The following MMP28 variants were observed in gnomAD, a reference collection of about 807,000 sequenced individuals.
The protein encoded by MMP28 is matrix metalloproteinase-28.
Under a neutral mutation model 60.5 loss-of-function variants are expected in MMP28, and 55 were observed. That is an observed-to-expected ratio of 0.91 (90% CI 0.73 to 1.14). The LOEUF (loss-of-function observed/expected upper bound fraction) is 1.14. MMP28 is among the 50% of genes most tolerant of loss of function. The probability of loss-of-function intolerance (pLI) is 0.00; values close to 1 mark genes in which losing one functional copy is unlikely to be tolerated. For missense variants in MMP28, 686 were observed against 738.3 expected (o/e 0.93, Z 0.82); for synonymous variants, 318 against 312.5 (o/e 1.02, Z -0.18).
chr17:35,793,111 G>C (rs901169352), intron 1 of MMP28, among the ~76,000 whole-genome samples: 1 of 152,072 alleles, frequency 6.6e-6, no homozygotes, highest in South Asian at 2.1e-4. Flanking sequence ...ATAGAGACAC[G>C]TACACACCCA....
Position 35,766,751 on chromosome 17 carries a change from A to G in MMP28, c.1312T>C (p.Tyr438His). 6.3e-7 allele frequency: 1 copy of G among 1,585,512 alleles called. No homozygotes were observed. Among genetic ancestry groups the G allele is most frequent in the African/African-American group, 1.3e-5 (1 of 74,460 alleles). ...RRLILFKGAR[Y>H]YVLARGGLQV... ...AGTCCCCCTCGGGCCAGCACGTAGT[A>G]GCGGGCACCCTTGAAGAGGATGAGG... Residue 438 changes from tyrosine to histidine, a missense_variant, in exon 8 of 8, where the codon TAC becomes CAC. Tyr to His is a moderately conservative substitution (Grantham distance 83). Coordinates refer to ENST00000605424, the MANE Select transcript of MMP28 (RefSeq NM_024302.5). The surrounding 1 kb of genome is among the most constrained non-coding windows in gnomAD (Gnocchi z 4.3).
rs775056613 is a variant in MMP28, at chr17:35,767,763, T to C, written c.1157A>G (p.Tyr386Cys). 9 of 1,561,172 alleles carry C rather than the reference T, an allele frequency of 5.8e-6. No individual in the cohort carries two copies. The highest frequency in any genetic ancestry group is 1.4e-5 in the African/African-American group (1 of 73,446). Residue 386 changes from tyrosine to cysteine, a missense_variant, in exon 7 of 8, where the codon TAC (tyrosine) becomes TGC (cysteine). Coordinates refer to ENST00000605424, the MANE Select transcript of MMP28 (RefSeq NM_024302.5). The part of the protein sequence containing the change: ...AAVSLNDGDF[Y>C]FFKGGRCWRF... ...CCCAGAGCCAGTACCTTTGAAGAAG[T>C]AGAAATCTCCATCATTCAATGACAC...
intron 1 of MMP28, among the ~76,000 whole-genome samples, chr17:35,794,422 T>C (rs915908795): frequency 2.3e-4 from 35 of 151,688 alleles, no homozygotes; most frequent in Non-Finnish European, 4.3e-4. Flanking sequence ...ATTTTTGTAT[T>C]TTTAATAAAG....
intron 1 of MMP28, among the ~76,000 whole-genome samples, chr17:35,784,895 C>A (rs1555610145): frequency 6.6e-6 from 1 of 152,172 alleles, no homozygotes; most frequent in East Asian, 1.9e-4. Context: ...CTCTATTTTC[C>A]ACCCGTCCTC....
chr17:35,795,151 CA>C (rs1288128657), intron 1 of MMP28, 115 bp downstream of exon 1: 4 of 623,334 alleles, frequency 6.4e-6, no homozygotes, highest in Non-Finnish European at 7.3e-6. Flanking sequence ...GGGCGGAGGA[CA>C]GGGGTAGGGT....
intron 2 of MMP28, chr17:35,757,223 A>C (rs1243543173): frequency 6.6e-6 from 1 of 152,196 alleles, no homozygotes; most frequent in Non-Finnish European, 1.5e-5. Flanking sequence ...AAATTGTTTT[A>C]TAACTATACT....
intron 1 of MMP28, among the ~76,000 whole-genome samples, chr17:35,785,647 C>T (rs1555610294): frequency 6.6e-6 from 1 of 152,130 alleles, no homozygotes; most frequent in South Asian, 2.1e-4. Flanking sequence ...TGGGGTTTCA[C>T]CGTTTCAGGC....
intron 3 of MMP28, among the ~76,000 whole-genome samples, chr17:35,774,313 G>C (rs2086260799): frequency 6.6e-6 from 1 of 152,132 alleles, no homozygotes; most frequent in African/African-American, 2.4e-5. Context: ...CTCAGGGGCT[G>C]GGATTGTAAC....
intron 1 of MMP28, among the ~76,000 whole-genome samples, chr17:35,789,165 A>G (rs1343478568): frequency 6.6e-6 from 1 of 152,206 alleles, no homozygotes; most frequent in African/African-American, 2.4e-5. Context: ...GGGTACAGGA[A>G]TACACACAGA....
At chr17:35,778,138 C>T (rs2143414359) in intron 3 of MMP28, among the ~76,000 whole-genome samples, 1 of 152,040 alleles carries the variant, frequency 6.6e-6, no homozygotes, top group East Asian at 1.9e-4. Flanking sequence ...TTAAATTTGG[C>T]TAAAAGAAGG....
At chr17:35,761,342 C>T (rs587661078), downstream of MMP28, among the ~76,000 whole-genome samples, 530 of 151,772 alleles carry the variant, frequency 3.5e-3, 2 homozygotes, top group Non-Finnish European at 6.1e-3. Context: ...AACTCCTGAC[C>T]TCAAGTGATC....
intron 5 of MMP28, among the ~76,000 whole-genome samples, chr17:35,769,651 A>G (rs1555604689): frequency 6.7e-6 from 1 of 150,246 alleles, no homozygotes; most frequent in African/African-American, 2.5e-5. Flanking sequence ...GCTCGGGGAG[A>G]GCTAGTGGCT....
At position 35,779,019 on chromosome 17, in the gene MMP28, A is replaced by G. The variant is rs780233358; in HGVS notation, c.248T>C (p.Leu83Pro). The change falls in exon 3 of 8, where the codon CTG becomes CCG. Residue 83 changes from leucine to proline, a missense_variant. Coordinates refer to ENST00000605424, the MANE Select transcript of MMP28 (RefSeq NM_024302.5). ...PVSGVLDRAT[L>P]RQMTRPRCGV... The stretch of plus-strand genomic sequence containing the variant: ...GCAGCGGGGACGAGTCATCTGGCGC[A>G]GGGTGGCGCGGTCCAACACGCCGCT... 1.9e-6 allele frequency: 3 copies of G among 1,614,056 alleles called. No individual in the cohort carries two copies. The highest frequency in any genetic ancestry group is 1.7e-5 in the Admixed American group (1 of 60,030).
chr17:35,764,660 G>T (rs781937921), downstream of MMP28: 8 of 1,524,540 alleles, frequency 5.2e-6, no homozygotes, highest in African/African-American at 1.5e-5. Context: ...TCATTTCCTG[G>T]CCCCAGACCC....
intron 1 of MMP28, among the ~76,000 whole-genome samples, chr17:35,790,381 T>A (rs564307674): frequency 3.5e-4 from 54 of 152,252 alleles, no homozygotes; most frequent in African/African-American, 8.2e-4. Context: ...AAAATTTAAA[T>A]TTTTTAAATG....
intron 1 of MMP28, among the ~76,000 whole-genome samples, chr17:35,788,098 GTCTC>G (rs772652430): frequency 6.6e-6 from 1 of 150,936 alleles, no homozygotes; most frequent in Non-Finnish European, 1.5e-5. Flanking sequence ...AGAGATGGGG[GTCTC>G]TCTATGTTGC....
Position 35,766,050 on chromosome 17 carries a change from C to T in MMP28, c.*450G>A. The stretch of plus-strand genomic sequence containing the variant: ...TGCTTCCTGGGGGTGGGGCCTCTGA[C>T]TAAATATGACACCGTTTTTCAAGAA... On this transcript the variant is annotated 3_prime_UTR_variant, in exon 8 of 8. Coordinates refer to ENST00000605424, the MANE Select transcript of MMP28 (RefSeq NM_024302.5). The surrounding 1 kb of genome is among the most constrained non-coding windows in gnomAD (Gnocchi z 4.3). The T allele has an allele frequency of 2.0e-6, 2 of 989,326 alleles. No homozygotes were observed. The highest frequency in any genetic ancestry group is 2.4e-6 in the Non-Finnish European group (2 of 832,618). 61.3% of individuals were successfully genotyped at this position (989,326 alleles called of 1,614,324 possible).
downstream of MMP28, among the ~76,000 whole-genome samples, chr17:35,761,475 G>A (rs1306162022): frequency 1.3e-5 from 2 of 151,304 alleles, no homozygotes; most frequent in South Asian, 2.1e-4. Flanking sequence ...GTACAGTGGC[G>A]TTGTCACAGC....
chr17:35,767,179 T>C, intron 7 of MMP28: 1 of 668,860 alleles, frequency 1.5e-6, no homozygotes, highest in Non-Finnish European at 2.7e-6. Flanking sequence ...CTAATAATTC[T>C]ATGAGGGCAA....
Sources: gnomAD v4.1 joint callset for allele counts (sites outside exome capture counted in the v4.1 genomes callset) on GRCh38, gnomAD v4.1.1 for gene constraint, Gnocchi (gnomAD v3.1) non-coding constraint, MANE v1.5 for transcripts, NCBI Gene and HGNC (gene_info 2026-07-23, HGNC 2026-07-21) for gene names.